TOX: variants seen among roughly 807,000 people sequenced by gnomAD.
TOX encodes thymocyte selection-associated high mobility group box protein TOX.
Under a neutral mutation model 53.7 loss-of-function variants are expected in TOX, and 11 were observed. The observed-to-expected ratio is 0.20, with a 90% CI of 0.13 to 0.34. The LOEUF is 0.34. Among genes scored for constraint, TOX ranks in the 10% least tolerant of loss-of-function variants. The probability of loss-of-function intolerance (pLI) is 1.00; values close to 1 mark genes in which losing one functional copy is unlikely to be tolerated. For missense variants in TOX, 570 were observed against 664.6 expected (o/e 0.86, Z 1.56); for synonymous variants, 225 against 245.3 (o/e 0.92, Z 0.77).
At position 59,107,050 on chromosome 8, in the gene TOX, G is replaced by GC. The variant is rs1554547187; in HGVS notation, c.102+11835_102+11836insG. Reference sequence around the variant, plus strand: ...TGATCTTATAAAGCAGTTTGCTGGGGGGGGGGGGAACGTGACATTTCTAAT... The same window carrying GC: ...TGATCTTATAAAGCAGTTTGCTGGGGCGGGGGGGGAACGTGACATTTCTAAT... On this transcript the variant is annotated intron_variant, in intron 1 of 8. Transcript: ENST00000361421. Among the ~76,000 whole-genome samples the GC allele has an allele frequency of 3.3e-3, 431 of 132,488 alleles. 79 individuals carry two copies. The highest frequency in any genetic ancestry group is 0.012 in the African/African-American group (410 of 34,998). 86.9% of individuals were successfully genotyped at this position (132,488 alleles called of 152,430 possible). A position where few individuals can be genotyped will look rare whatever the true frequency, so the allele number is the denominator to read the frequency against.
intron 1 of TOX, among the ~76,000 whole-genome samples, chr8:59,005,181 G>C (rs1813766078): frequency 6.6e-6 from 1 of 152,028 alleles, no homozygotes; most frequent in African/African-American, 2.4e-5. Context: ...TGGGACTACA[G>C]GTGCCCGCCA....
intron 1 of TOX, among the ~76,000 whole-genome samples, chr8:59,015,068 C>T (rs1813982324): frequency 6.6e-6 from 1 of 152,132 alleles, no homozygotes; most frequent in African/African-American, 2.4e-5. Context: ...GGATCAACCC[C>T]CTCTGGGTTT....
chr8:58,984,782 CAAAAAAA>C (rs11364474), intron 1 of TOX, among the ~76,000 whole-genome samples: 1 of 77,372 alleles, frequency 1.3e-5, no homozygotes, highest in African/African-American at 5.2e-5. Context: ...GACTCCGTCT[CAAAAAAA>C]AAAAAAAAAA....
chr8:58,831,259 T>C (rs916241655), intron 5 of TOX, among the ~76,000 whole-genome samples: 8 of 152,178 alleles, frequency 5.3e-5, no homozygotes, highest in African/African-American at 1.4e-4. Context: ...TGTTGATTTA[T>C]TAAATGAAGG....
chr8:58,955,236 G>A (rs1046165077), intron 2 of TOX, among the ~76,000 whole-genome samples: 1 of 152,114 alleles, frequency 6.6e-6, no homozygotes, highest in Non-Finnish European at 1.5e-5. Context: ...AGAGAAAACT[G>A]CTCACAATCT....
chr8:58,819,375 A>G (rs913512866), intron 6 of TOX, among the ~76,000 whole-genome samples: 1 of 152,260 alleles, frequency 6.6e-6, no homozygotes, highest in African/African-American at 2.4e-5. Context: ...GCTTGTAGAC[A>G]ACTGAAAATC....
intron 3 of TOX, among the ~76,000 whole-genome samples, chr8:58,913,773 T>A (rs756531836): frequency 1.3e-5 from 2 of 148,640 alleles, no homozygotes; most frequent in African/African-American, 4.9e-5. Flanking sequence ...TAAAGCTCTA[T>A]GTAAAAGTCT....
intron 2 of TOX, among the ~76,000 whole-genome samples, chr8:58,949,361 T>C (rs912895977): frequency 6.6e-6 from 1 of 152,210 alleles, no homozygotes; most frequent in African/African-American, 2.4e-5. Context: ...ATTTTGAACA[T>C]TTAGGATGTT....
At chr8:59,012,999 C>T (rs953624518) in intron 1 of TOX, among the ~76,000 whole-genome samples, 4 of 151,914 alleles carry the variant, frequency 2.6e-5, no homozygotes, top group Admixed American at 6.6e-5. Flanking sequence ...GTGGTTAATG[C>T]CATGATATAC....
At chr8:58,920,721 T>TAAAAAAAAAAAAAAAAAAAAAAAAAA (rs5891703) in intron 3 of TOX, among the ~76,000 whole-genome samples, 13 of 81,006 alleles carry the variant, frequency 1.6e-4, no homozygotes, top group East Asian at 4.1e-4. Flanking sequence ...AAAAAAACAT[T>TAAAAAAAAAAAAAAAAAAAAAAAAAA]AAAAAAAAAA....
At chr8:58,960,052 G>T in intron 1 of TOX, 44 bp from the exon 2 acceptor site, 1 of 1,600,490 alleles carries the variant, frequency 6.2e-7, no homozygotes, top group Non-Finnish European at 8.6e-7. Context: ...CTTGACTGCG[G>T]GTATGTTTGG....
chr8:58,903,506 A>C (rs1276833710), intron 3 of TOX, among the ~76,000 whole-genome samples: 1 of 152,224 alleles, frequency 6.6e-6, no homozygotes, highest in African/African-American at 2.4e-5. Context: ...TTTTCTCTGC[A>C]CTGCTAAACA....
intron 3 of TOX, among the ~76,000 whole-genome samples, chr8:58,922,248 G>A (rs1240899007): frequency 6.6e-6 from 1 of 152,192 alleles, no homozygotes; most frequent in South Asian, 2.1e-4. Context: ...GAATTTTACA[G>A]CTCCAGGATT....
intron 3 of TOX, among the ~76,000 whole-genome samples, chr8:58,893,034 G>A (rs1345484331): frequency 1.3e-5 from 2 of 152,172 alleles, no homozygotes; most frequent in African/African-American, 4.8e-5. Flanking sequence ...AAATAAAAGT[G>A]TAAGAGCAAA....
intron 4 of TOX, among the ~76,000 whole-genome samples, chr8:58,841,572 T>A (rs981635206): frequency 4.6e-5 from 7 of 152,200 alleles, no homozygotes; most frequent in African/African-American, 1.7e-4. Context: ...GATGAATAAG[T>A]TCTGGGGATC....
At chr8:59,025,067 A>C (rs1001011447) in intron 1 of TOX, among the ~76,000 whole-genome samples, 1 of 152,174 alleles carries the variant, frequency 6.6e-6, no homozygotes, top group African/African-American at 2.4e-5. Flanking sequence ...CTTAGTAGGT[A>C]AACGGTAGAG....
chr8:58,953,172 G>T (rs965759495), intron 2 of TOX, among the ~76,000 whole-genome samples: 1 of 151,938 alleles, frequency 6.6e-6, no homozygotes, highest in Admixed American at 6.6e-5. Flanking sequence ...ATTACCTAAA[G>T]TTCAACAACA....
At position 58,808,134 on chromosome 8, in the gene TOX, C is replaced by T; in HGVS notation, c.1528G>A (p.Asp510Asn). 6.2e-7 allele frequency: 1 copy of T among 1,613,282 alleles called. No homozygotes were observed. Among genetic ancestry groups the T allele is most frequent in the Non-Finnish European group, 8.5e-7 (1 of 1,179,580 alleles). The change falls in exon 8 of 9, where the codon GAC (aspartate) becomes AAC (asparagine). Residue 510 changes from aspartate to asparagine, a missense_variant. Around this residue, in one of 3 missense-constraint regions of TOX, gnomAD observed 239 missense variants for 250.7 expected, o/e 0.95. Transcript: ENST00000361421. ...GCCGCTTACCCACTACTGCAGTAGT[C>T]GTTATTCCAGTCCACCGGTTGTGGG... is the stretch of plus-strand genomic sequence containing the variant. ...PPPQPVDWNNDYCSSGGMQRD... is the reference protein window; with the variant it reads ...PPPQPVDWNNNYCSSGGMQRD...
At chr8:58,915,871 C>A (rs1341362957) in intron 3 of TOX, among the ~76,000 whole-genome samples, 2 of 121,848 alleles carry the variant, frequency 1.6e-5, no homozygotes, top group Admixed American at 8.6e-5. Context: ...GCTGATGGAG[C>A]TGAAAACCAA....
Sources: gnomAD v4.1 joint callset for allele counts (sites outside exome capture counted in the v4.1 genomes callset) on GRCh38, gnomAD v4.1.1 for gene constraint, gnomAD v4.1.1 regional missense constraint, MANE v1.5 for transcripts, NCBI Gene and HGNC (gene_info 2026-07-23, HGNC 2026-07-21) for gene names.